CACNA2D3: variants seen among roughly 807,000 people sequenced by gnomAD.
CACNA2D3 encodes the protein voltage-dependent calcium channel subunit alpha-2/delta-3.
In CACNA2D3, 60 loss-of-function variants were observed where a neutral mutation model predicts 160.6. The observed-to-expected ratio is 0.37, with a 90% CI of 0.30 to 0.46. CACNA2D3 has a LOEUF of 0.46. Among genes scored for constraint, CACNA2D3 ranks in the 20% least tolerant of loss-of-function variants. The pLI, the probability that CACNA2D3 is intolerant of heterozygous loss-of-function variation, is 1.00. For missense variants in CACNA2D3, 1,205 were observed against 1,365.0 expected, an observed-to-expected ratio of 0.88 and a Z score of 1.85; for synonymous variants, 558 against 492.9, an observed-to-expected ratio of 1.13 and a Z score of -1.75.
chr3:54,479,326 T>C (rs1167573195), intron 4 of CACNA2D3, among the ~76,000 whole-genome samples: 1 of 152,188 alleles, frequency 6.6e-6, no homozygotes, highest in Non-Finnish European at 1.5e-5. Context: ...GGTATGTCTT[T>C]ATTAGCAGCG....
At chr3:54,729,536 G>A (rs1029908248) in intron 11 of CACNA2D3, among the ~76,000 whole-genome samples, 1 of 152,194 alleles carries the variant, frequency 6.6e-6, no homozygotes, top group Non-Finnish European at 1.5e-5. Flanking sequence ...TCATTGGGTG[G>A]TGGCAGACAT....
intron 27 of CACNA2D3, among the ~76,000 whole-genome samples, chr3:54,903,082 G>T (rs1042023239): frequency 1.3e-5 from 2 of 152,038 alleles, no homozygotes; most frequent in African/African-American, 2.4e-5. Context: ...AAGTTCAGGG[G>T]TACACGTGCA....
chr3:54,437,329 A>G (rs1469567798), intron 4 of CACNA2D3, among the ~76,000 whole-genome samples: 1 of 152,216 alleles, frequency 6.6e-6, no homozygotes, highest in Non-Finnish European at 1.5e-5. Flanking sequence ...GACTTAAGCC[A>G]TTACAGGCAA....
intron 11 of CACNA2D3, among the ~76,000 whole-genome samples, chr3:54,647,085 C>T (rs529174692): frequency 1.3e-3 from 192 of 152,304 alleles, no homozygotes; most frequent in African/African-American, 3.6e-3. Flanking sequence ...TCTAGGTGAG[C>T]TTGGAGGCAG....
At chr3:55,017,438 T>G (rs938667513) in intron 34 of CACNA2D3, among the ~76,000 whole-genome samples, 1 of 151,780 alleles carries the variant, frequency 6.6e-6, no homozygotes, top group Non-Finnish European at 1.5e-5. Flanking sequence ...TTGTTGCTAT[T>G]ATTATTATCA....
intron 4 of CACNA2D3, among the ~76,000 whole-genome samples, chr3:54,439,819 C>A (rs1700115480): frequency 6.6e-6 from 1 of 152,188 alleles, no homozygotes; most frequent in African/African-American, 2.4e-5. Flanking sequence ...CCAGCTCTCA[C>A]TGTTTTCCTT....
chr3:54,306,612 A>C (rs1423349283), intron 2 of CACNA2D3, among the ~76,000 whole-genome samples: 1 of 152,132 alleles, frequency 6.6e-6, no homozygotes, highest in Non-Finnish European at 1.5e-5. Context: ...GCTGGCTGGG[A>C]TCTTGGTGAG....
rs890050341 is a variant in CACNA2D3, at chr3:54,345,341, A to G, written c.321+24783A>G. On this transcript the variant is annotated intron_variant, in intron 3 of 37. Transcript: ENST00000474759. ...TTCATAATTTTTGCCTTATCTGAGTAGTACCTGTAGAAATGTTTAACAGAA... is the reference window on the plus strand; with the variant it reads ...TTCATAATTTTTGCCTTATCTGAGTGGTACCTGTAGAAATGTTTAACAGAA... 3.3e-5 allele frequency among the ~76,000 whole-genome samples: 5 copies of G among 152,202 alleles called. No homozygotes were observed. In the South Asian group the frequency reaches 1.0e-3, roughly 32 times the overall value.
At chr3:54,761,213 A>C (rs555791733) in intron 12 of CACNA2D3, among the ~76,000 whole-genome samples, 14 of 152,256 alleles carry the variant, frequency 9.2e-5, no homozygotes, top group Admixed American at 5.2e-4. Flanking sequence ...GCAACCAAGA[A>C]GAACTCCTAC....
chr3:54,646,357 C>G (rs1699650906), intron 11 of CACNA2D3, among the ~76,000 whole-genome samples: 1 of 151,502 alleles, frequency 6.6e-6, no homozygotes, highest in African/African-American at 2.4e-5. Flanking sequence ...ATTCTGTTAC[C>G]CAGGTATTAA....
chr3:54,943,252 A>G (rs2106991247), intron 27 of CACNA2D3, among the ~76,000 whole-genome samples: 1 of 152,140 alleles, frequency 6.6e-6, no homozygotes, highest in Non-Finnish European at 1.5e-5. Flanking sequence ...AAAAAGAAAA[A>G]AATCATGCCC....
At position 54,587,206 on chromosome 3, in the gene CACNA2D3, A is replaced by G. The variant is rs191303384; in HGVS notation, c.963+5329A>G. Among the ~76,000 whole-genome samples the G allele has an allele frequency of 9.2e-5, 14 of 152,234 alleles. No individual in the cohort carries two copies. In the East Asian group the frequency reaches 2.7e-3, roughly 29 times the overall value. Reference sequence around the variant, plus strand: ...AAAACAGTAGAGAAAAATCAATGACACCAAAAGCTGGTTCTTTAAATCAGT... The same window carrying G: ...AAAACAGTAGAGAAAAATCAATGACGCCAAAAGCTGGTTCTTTAAATCAGT... On this transcript the variant is annotated intron_variant, in intron 9 of 37. Coordinates refer to ENST00000474759, the MANE Select transcript of CACNA2D3 (RefSeq NM_018398.3).
At chr3:54,629,030 C>T (rs1397312869) in intron 10 of CACNA2D3, among the ~76,000 whole-genome samples, 1 of 152,138 alleles carries the variant, frequency 6.6e-6, no homozygotes, top group Non-Finnish European at 1.5e-5. Context: ...TCTTTCCTTG[C>T]TTCCTTTCCC....
intron 11 of CACNA2D3, among the ~76,000 whole-genome samples, chr3:54,716,756 T>A (rs1221982164): frequency 1.3e-5 from 2 of 152,208 alleles, no homozygotes; most frequent in Non-Finnish European, 2.9e-5. Flanking sequence ...ATGTCTCAGC[T>A]TCCAAGCTAA....
chr3:54,505,720 T>A (rs770553045), intron 5 of CACNA2D3, among the ~76,000 whole-genome samples: 14 of 152,200 alleles, frequency 9.2e-5, no homozygotes, highest in Non-Finnish European at 1.5e-5. Context: ...TTCAGAATGA[T>A]CTTTTAAAAT....
Position 54,350,979 on chromosome 3 carries a change from TTTG to T in CACNA2D3, c.321+30424_321+30426del, listed in dbSNP as rs1559457788. 6.2e-4 allele frequency among the ~76,000 whole-genome samples: 25 copies of T among 40,240 alleles called. 1 individual carries two copies. Among genetic ancestry groups the T allele is most frequent in the African/African-American group, 1.0e-3 (10 of 9,770 alleles). 26.4% of individuals were successfully genotyped at this position (40,240 alleles called of 152,430 possible). On this transcript the variant is annotated intron_variant, in intron 3 of 37. Transcript: ENST00000474759. ...GAGATCTTGAGTCTGTTTTTTTTTT[TTTG>T]TTTGTTTTTTTTTTTTTTTTTTTTG... is the stretch of plus-strand genomic sequence containing the variant.
At chr3:54,415,092 T>G (rs1330934297) in intron 4 of CACNA2D3, among the ~76,000 whole-genome samples, 3 of 152,132 alleles carry the variant, frequency 2.0e-5, no homozygotes, top group Non-Finnish European at 4.4e-5. Flanking sequence ...GACAAACCCT[T>G]CATGGTTCTG....
intron 17 of CACNA2D3, among the ~76,000 whole-genome samples, chr3:54,859,972 G>GCGCGCGCACACACACACACACACACACA (rs535185040): frequency 1.5e-5 from 2 of 133,884 alleles, no homozygotes; most frequent in African/African-American, 5.6e-5. Flanking sequence ...GAAAGTAGAT[G>GCGCGCGCACACACACACACACACACACA]CACACACACA....
Position 54,384,758 on chromosome 3 carries a change from C to T in CACNA2D3, c.322-1957C>T, listed in dbSNP as rs373906967. 1.9e-4 allele frequency among the ~76,000 whole-genome samples: 29 copies of T among 152,210 alleles called. No homozygotes were observed. In the East Asian group the frequency reaches 2.5e-3, roughly 13 times the overall value. Reference sequence around the variant, plus strand: ...TTTTTGAGACAGAGTCTCACTCTGTCGCCCAGGCTGGAATGCAGTGGTGTG... The same window carrying T: ...TTTTTGAGACAGAGTCTCACTCTGTTGCCCAGGCTGGAATGCAGTGGTGTG... On this transcript the variant is annotated intron_variant, in intron 3 of 37. Coordinates refer to ENST00000474759, the MANE Select transcript of CACNA2D3 (RefSeq NM_018398.3).
Sources: allele counts gnomAD v4.1 joint callset (sites outside exome capture counted in the v4.1 genomes callset), GRCh38; gene constraint gnomAD v4.1.1; transcripts MANE v1.5; gene names NCBI Gene and HGNC (gene_info 2026-07-23, HGNC 2026-07-21).